CHL1: variants seen among roughly 807,000 people sequenced by gnomAD.
CHL1 encodes neural cell adhesion molecule L1-like protein.
CHL1 carries 96 observed loss-of-function variants against 141.9 expected under a neutral mutation model. The ratio of observed to expected loss-of-function variants is 0.68; its 90% CI spans 0.57 to 0.80. The LOEUF (loss-of-function observed/expected upper bound fraction) is 0.80, where lower values mean the gene tolerates loss of function less well. Ranked by LOEUF, CHL1 falls within the 30% of genes least tolerant of loss-of-function variation. The probability of loss-of-function intolerance (pLI) is 0.00; values close to 1 mark genes in which losing one functional copy is unlikely to be tolerated. For missense variants in CHL1, 1,820 were observed against 1,457.2 expected, an observed-to-expected ratio of 1.25 and a Z score of -4.05; for synonymous variants, 613 against 502.2, an observed-to-expected ratio of 1.22 and a Z score of -2.95.
intron 2 of CHL1, among the ~76,000 whole-genome samples, chr3:290,591 A>G (rs990314148): frequency 1.3e-5 from 2 of 152,162 alleles, no homozygotes; most frequent in African/African-American, 4.8e-5. Context: ...ATAATTTAGG[A>G]TGAAACTATG....
intron 2 of CHL1, among the ~76,000 whole-genome samples, chr3:282,985 G>A (rs1696799844): frequency 6.6e-6 from 1 of 152,054 alleles, no homozygotes; most frequent in South Asian, 2.1e-4. Context: ...CTGCTTTTGG[G>A]GCATCTGGTG....
chr3:309,707 G>A (rs1288175463), intron 2 of CHL1, among the ~76,000 whole-genome samples: 3 of 152,006 alleles, frequency 2.0e-5, no homozygotes, highest in Non-Finnish European at 4.4e-5. Context: ...TAGAGATGGG[G>A]CCTCACTATG....
At chr3:363,455 A>T in intron 14 of CHL1, 72 bp downstream of exon 14, 9 of 1,321,002 alleles carry the variant, frequency 6.8e-6, no homozygotes, top group Non-Finnish European at 9.5e-6. Context: ...GCCCAAATGG[A>T]ATAATACCAT....
intron 15 of CHL1, 106 bp from the exon 16 acceptor site, chr3:377,712 C>A: frequency 1.1e-6 from 1 of 950,160 alleles, no homozygotes; most frequent in Non-Finnish European, 1.5e-6. Context: ...AGTCATCTTT[C>A]ACTCTTAGAT....
intron 1 of CHL1, among the ~76,000 whole-genome samples, chr3:225,900 T>C (rs532423430): frequency 6.0e-5 from 9 of 150,878 alleles, no homozygotes; most frequent in Non-Finnish European, 1.0e-4. Flanking sequence ...TCCCAGCTAC[T>C]CGGGGGGCTG....
At position 299,624 on chromosome 3, in the gene CHL1, G is replaced by C. The variant is rs1574998178; in HGVS notation, c.-94-20059G>C. Among the ~76,000 whole-genome samples the C allele has an allele frequency of 2.0e-5, 3 of 152,210 alleles. No homozygotes were observed. The South Asian group carries it at 6.2e-4, about 32-fold the overall frequency. On this transcript the variant is annotated intron_variant, in intron 2 of 27. Coordinates refer to ENST00000256509, the MANE Select transcript of CHL1 (RefSeq NM_006614.4). ...TCTTGATTTTATAAATAAGAATTTA[G>C]TTCAGCAGCTAGTTAGATACTATGT...
chr3:366,192 C>G, intron 15 of CHL1, 77 bp downstream of exon 15: 1 of 1,412,362 alleles, frequency 7.1e-7, no homozygotes, highest in Non-Finnish European at 9.9e-7. Flanking sequence ...AGTTCTAGGT[C>G]GGGCATGCTG....
At chr3:391,203 T>C in intron 22 of CHL1, 44 bp downstream of exon 22, 2 of 1,430,202 alleles carry the variant, frequency 1.4e-6, no homozygotes, top group Non-Finnish European at 2.0e-6. Context: ...ATGGAGGTGA[T>C]CCATGGCCAT....
intron 1 of CHL1, among the ~76,000 whole-genome samples, chr3:242,589 C>G (rs981056972): frequency 1.2e-4 from 17 of 140,334 alleles, no homozygotes; most frequent in African/African-American, 4.1e-4. Flanking sequence ...GAGTGGGACT[C>G]CATCTCAAAA....
intron 2 of CHL1, among the ~76,000 whole-genome samples, chr3:310,781 TGTATAC>T (rs1699691454): frequency 6.6e-6 from 1 of 152,208 alleles, no homozygotes; most frequent in East Asian, 1.9e-4. Context: ...TTTCTTTTGG[TGTATAC>T]ATTCTACGGG....
chr3:237,609 G>T (rs1574813998), intron 1 of CHL1, among the ~76,000 whole-genome samples: 2 of 152,184 alleles, frequency 1.3e-5, no homozygotes, highest in Admixed American at 6.5e-5. Context: ...ACACACATTA[G>T]GTTCGTATCT....
chr3:204,366 G>C (rs1699225284), intron 1 of CHL1, among the ~76,000 whole-genome samples: 1 of 152,200 alleles, frequency 6.6e-6, no homozygotes, highest in African/African-American at 2.4e-5. Context: ...ATGTAACCTG[G>C]ATGCCTGGAT....
At chr3:226,248 C>T (rs917204940) in intron 1 of CHL1, among the ~76,000 whole-genome samples, 3 of 149,848 alleles carry the variant, frequency 2.0e-5, no homozygotes, top group African/African-American at 7.3e-5. Context: ...TGTTGAGCTC[C>T]TGGTGTCATG....
At chr3:218,300 AGTT>A (rs1700504773) in intron 1 of CHL1, among the ~76,000 whole-genome samples, 1 of 152,206 alleles carries the variant, frequency 6.6e-6, no homozygotes, top group Non-Finnish European at 1.5e-5. Flanking sequence ...TTCTTACAGC[AGTT>A]ATGTTTTAGA....
intron 1 of CHL1, among the ~76,000 whole-genome samples, chr3:214,426 T>C (rs941345121): frequency 6.6e-6 from 1 of 152,224 alleles, no homozygotes; most frequent in South Asian, 2.1e-4. Flanking sequence ...CTTGTATTCA[T>C]GTAACCTTCC....
intron 19 of CHL1, among the ~76,000 whole-genome samples, chr3:386,715 T>C (rs755267132): frequency 1.3e-5 from 2 of 152,170 alleles, no homozygotes; most frequent in Non-Finnish European, 2.9e-5. Context: ...TATAATCGCA[T>C]CCAAGATAGT....
At chr3:350,121 G>A (rs1199655786) in intron 10 of CHL1, among the ~76,000 whole-genome samples, 3 of 152,108 alleles carry the variant, frequency 2.0e-5, no homozygotes, top group African/African-American at 7.2e-5. Context: ...AGAATAGACT[G>A]TATGCTATAA....
intron 24 of CHL1, among the ~76,000 whole-genome samples, chr3:395,400 C>T (rs1708588013): frequency 6.6e-6 from 1 of 152,222 alleles, no homozygotes; most frequent in Non-Finnish European, 1.5e-5. Flanking sequence ...TCACTTGTAA[C>T]ACAATTATCC....
chr3:314,914 G>A (rs1363666988), intron 2 of CHL1, among the ~76,000 whole-genome samples: 1 of 152,130 alleles, frequency 6.6e-6, no homozygotes, highest in Non-Finnish European at 1.5e-5. Flanking sequence ...GAGAATCAGA[G>A]AAGATTTTGC....
Sources: allele counts gnomAD v4.1 joint callset (sites outside exome capture counted in the v4.1 genomes callset), GRCh38; gene constraint gnomAD v4.1.1; transcripts MANE v1.5; gene names NCBI Gene and HGNC (gene_info 2026-07-23, HGNC 2026-07-21).